Variants in SLIT3 observed in about 807,000 individuals in gnomAD.
SLIT3 encodes slit guidance ligand 3.
In SLIT3, 68 loss-of-function variants were observed where a neutral mutation model predicts 184.0. That is an observed-to-expected ratio of 0.37 (90% CI 0.30 to 0.45). The LOEUF is 0.45. Among genes scored for constraint, SLIT3 ranks in the 20% least tolerant of loss-of-function variants. SLIT3 has a pLI of 1.00. For synonymous variants in SLIT3, 831 were observed against 828.6 expected (o/e 1.00, Z -0.05); for missense variants, 1,707 against 2,026.0 (o/e 0.84, Z 3.02).
At chr5:169,085,836 C>T (rs1169572026) in intron 4 of SLIT3, among the ~76,000 whole-genome samples, 1 of 151,818 alleles carries the variant, frequency 6.6e-6, no homozygotes, top group African/African-American at 2.4e-5. Context: ...GTGCAAACCA[C>T]AGGCAGAAAT....
intron 3 of SLIT3, among the ~76,000 whole-genome samples, chr5:169,194,247 A>AC: frequency 6.7e-6 from 1 of 150,352 alleles, no homozygotes; most frequent in South Asian, 2.1e-4. Flanking sequence ...AAAAAAAAAA[A>AC]AAAAAAAAAA....
At chr5:169,101,603 C>G (rs1366393676) in intron 4 of SLIT3, among the ~76,000 whole-genome samples, 1 of 152,212 alleles carries the variant, frequency 6.6e-6, no homozygotes, top group Non-Finnish European at 1.5e-5. Flanking sequence ...CTGGAAAGAA[C>G]TTCCACAAAT....
At chr5:168,903,056 C>G (rs1164355090) in intron 4 of SLIT3, among the ~76,000 whole-genome samples, 1 of 152,158 alleles carries the variant, frequency 6.6e-6, no homozygotes, top group African/African-American at 2.4e-5. Context: ...AATCTCTAAG[C>G]CAACATCACT....
intron 28 of SLIT3, among the ~76,000 whole-genome samples, chr5:168,694,903 G>T (rs993196388): frequency 1.3e-5 from 2 of 152,226 alleles, no homozygotes; most frequent in African/African-American, 4.8e-5. Context: ...ACAGGCGTGA[G>T]CCACTGCATC....
At chr5:168,679,161 T>A (rs1461817478) in intron 32 of SLIT3, among the ~76,000 whole-genome samples, 1 of 152,190 alleles carries the variant, frequency 6.6e-6, no homozygotes, top group Non-Finnish European at 1.5e-5. Context: ...AGGGTTCAAG[T>A]GATCCTCCTG....
Position 168,760,878 on chromosome 5 carries a change from G to A in SLIT3, c.1669C>T (p.Pro557Ser). 6.2e-7 allele frequency: 1 copy of A among 1,613,490 alleles called. No homozygotes were observed. Among genetic ancestry groups the A allele is most frequent in the Non-Finnish European group, 8.5e-7 (1 of 1,179,458 alleles). ...LEATGIFKKL[P>S]NLRKINLSNN... is the part of the protein sequence containing the mutation. ...TTGACTTACATTTTCCGCAGGTTGG[G>A]CAACTTCTTGAAGATGCCAGTGGCC... The change falls in exon 16 of 36, where the codon CCC becomes TCC. Residue 557 changes from proline (P) to serine (S), a missense_variant. Physicochemically the swap from Pro to Ser is moderately conservative, Grantham distance 74. Around this residue, in one of 3 missense-constraint regions of SLIT3, gnomAD observed 1,307 missense variants for 1,511.6 expected, o/e 0.86. Coordinates refer to ENST00000519560, the MANE Select transcript of SLIT3 (RefSeq NM_003062.4).
chr5:169,096,689 C>T (rs1691521975), intron 4 of SLIT3, among the ~76,000 whole-genome samples: 2 of 152,156 alleles, frequency 1.3e-5, no homozygotes, highest in African/African-American at 4.8e-5. Flanking sequence ...CCACCAATGG[C>T]TACTGATATA....
At chr5:168,931,762 T>C (rs569198550) in intron 4 of SLIT3, among the ~76,000 whole-genome samples, 2 of 152,264 alleles carry the variant, frequency 1.3e-5, no homozygotes, top group African/African-American at 4.8e-5. Context: ...AGTAGGTGTA[T>C]GATGAGGGTG....
chr5:169,051,149 A>C (rs1757800528), intron 4 of SLIT3, among the ~76,000 whole-genome samples: 1 of 152,216 alleles, frequency 6.6e-6, no homozygotes. Context: ...TGGGTCCTTC[A>C]GAACCGGAAA....
At chr5:169,074,248 TG>T (rs1758656936) in intron 4 of SLIT3, among the ~76,000 whole-genome samples, 1 of 152,192 alleles carries the variant, frequency 6.6e-6, no homozygotes, top group Non-Finnish European at 1.5e-5. Flanking sequence ...TGTTGCTAGC[TG>T]GGTGGTCTCC....
rs34569490 is a variant in SLIT3, at chr5:169,247,215, CAAA to C, written c.270-2442_270-2440del. 2.4e-3 allele frequency among the ~76,000 whole-genome samples: 295 copies of C among 124,226 alleles called. 1 individual carries two copies. The highest frequency in any genetic ancestry group is 2.9e-3 in the African/African-American group (100 of 34,758). The allele number at this position is 124,226 out of a possible 152,430, so 81.5% of individuals were successfully genotyped here. On this transcript the variant is annotated intron_variant, in intron 2 of 35. Transcript: ENST00000519560. The stretch of plus-strand genomic sequence containing the variant: ...TGGGTGACAGAGCAAGACTCTGTCT[CAAA>C]AAAAAAAAAAAAAATGTTTTTCCCT...
intron 16 of SLIT3, among the ~76,000 whole-genome samples, chr5:168,755,431 T>C (rs943334919): frequency 8.9e-4 from 42 of 47,058 alleles, no homozygotes; most frequent in East Asian, 3.2e-3. Context: ...CTTTCTTTCT[T>C]TCTTTCTTTC....
chr5:169,156,263 G>A (rs1476077812), intron 4 of SLIT3, among the ~76,000 whole-genome samples: 1 of 152,150 alleles, frequency 6.6e-6, no homozygotes, highest in Non-Finnish European at 1.5e-5. Context: ...GGAGTAAAGG[G>A]AAGCCTCTGA....
intron 5 of SLIT3, among the ~76,000 whole-genome samples, chr5:168,866,403 C>T (rs1469405054): frequency 6.6e-6 from 1 of 152,198 alleles, no homozygotes; most frequent in Non-Finnish European, 1.5e-5. Flanking sequence ...ACCTCCTTGC[C>T]TGACAACATT....
intron 4 of SLIT3, among the ~76,000 whole-genome samples, chr5:169,062,688 C>G (rs940460314): frequency 3.8e-4 from 58 of 152,172 alleles, no homozygotes; most frequent in African/African-American, 1.4e-3. Flanking sequence ...TGTATGGTCT[C>G]TCTCCTCAAA....
intron 4 of SLIT3, among the ~76,000 whole-genome samples, chr5:169,100,003 T>G (rs296000): frequency 0.77 from 117,907 of 152,206 alleles, 45,762 homozygotes; most frequent in East Asian, 0.89. Context: ...GTCAGAGAGA[T>G]GACTGGCCTT....
chr5:168,698,884 C>T (rs990916431), intron 27 of SLIT3, among the ~76,000 whole-genome samples: 5 of 152,210 alleles, frequency 3.3e-5, no homozygotes, highest in Non-Finnish European at 7.3e-5. Flanking sequence ...TTCTGTTCAT[C>T]TGAAACTCTT....
At chr5:168,904,326 A>G (rs1010745473) in intron 4 of SLIT3, among the ~76,000 whole-genome samples, 1 of 152,068 alleles carries the variant, frequency 6.6e-6, no homozygotes, top group African/African-American at 2.4e-5. Context: ...GAAGGTTCCA[A>G]TGGGGGGAAA....
Position 168,749,549 on chromosome 5 carries a change from T to C in SLIT3, c.2060A>G (p.Asn687Ser). 1.9e-6 allele frequency: 3 copies of C among 1,614,076 alleles called. No individual in the cohort carries two copies. The highest frequency in any genetic ancestry group is 2.5e-6 in the Non-Finnish European group (3 of 1,180,016). The part of the protein sequence containing the change: ...WLRKRRIVSG[N>S]PRCQKPFFLK... ...GAAAAATGGCTTCTGGCACCTAGGG[T>C]TCCCACTGACGATCCGCCTCTTCCT... The change falls in exon 19 of 36, where the codon AAC (asparagine) becomes AGC (serine). Residue 687 changes from asparagine to serine, a missense_variant. This residue lies in a region of SLIT3 where 1,307 missense variants were observed against 1,511.6 expected (regional missense o/e 0.86). Coordinates refer to ENST00000519560, the MANE Select transcript of SLIT3 (RefSeq NM_003062.4).
Sources: gnomAD v4.1 joint callset for allele counts (sites outside exome capture counted in the v4.1 genomes callset) on GRCh38, gnomAD v4.1.1 for gene constraint, gnomAD v4.1.1 regional missense constraint, MANE v1.5 for transcripts, NCBI Gene and HGNC (gene_info 2026-07-23, HGNC 2026-07-21) for gene names.